Variants in KNL1 observed in about 807,000 individuals in gnomAD.
The protein encoded by KNL1 is outer kinetochore KNL1 complex subunit KNL1.
KNL1 carries 66 observed loss-of-function variants against 201.3 expected under a neutral mutation model. The ratio of observed to expected loss-of-function variants is 0.33; its 90% CI spans 0.27 to 0.40. The LOEUF is 0.40. KNL1 is among the 10% of genes least tolerant of loss of function. The pLI, the probability that KNL1 is intolerant of heterozygous loss-of-function variation, is 1.00. For missense variants in KNL1, 2,815 were observed against 2,690.5 expected, an observed-to-expected ratio of 1.05 and a Z score of -1.02; for synonymous variants, 895 against 899.2, an observed-to-expected ratio of 1.00 and a Z score of 0.08.
Position 40,662,071 on chromosome 15 carries a change from C to T in KNL1, c.6837-3C>T, listed in dbSNP as rs371079557. 207 of 1,541,314 alleles carry T rather than the reference C, an allele frequency of 1.3e-4. No homozygotes were observed. The African/African-American group carries it at 2.4e-3, about 18-fold the overall frequency. On this transcript the variant is annotated splice_polypyrimidine_tract_variant and splice_region_variant and intron_variant, in intron 25 of 25. Transcript: ENST00000399668. ...AAAATTGATTAACCTTTGTTCTTTC[C>T]AGCCAAGATGATATTGCTACCATTC...
At chr15:40,637,967 C>T (rs1893106926) in intron 13 of KNL1, among the ~76,000 whole-genome samples, 1 of 151,910 alleles carries the variant, frequency 6.6e-6, no homozygotes, top group Non-Finnish European at 1.5e-5. Context: ...TGCCTGAGCT[C>T]AGGAGTTCAA....
chr15:40,616,987 C>T (rs1246071922), intron 8 of KNL1, among the ~76,000 whole-genome samples: 1 of 152,168 alleles, frequency 6.6e-6, no homozygotes, highest in Non-Finnish European at 1.5e-5. Flanking sequence ...CTCACTCTGT[C>T]ACCCAGGCTG....
At position 40,596,960 on chromosome 15, in the gene KNL1, A is replaced by G. The variant is rs1191842272; in HGVS notation, c.-18+2568A>G. ...GGTTGCAGTGAGCCAAGATTGCGCC[A>G]TTGTACTCCAGCCTGGGCAACAAGA... On this transcript the variant is annotated intron_variant, in intron 1 of 25. Transcript: ENST00000399668. Among the ~76,000 whole-genome samples, 12 of 141,138 alleles carry G rather than the reference A, an allele frequency of 8.5e-5. No individual in the cohort carries two copies. The South Asian group carries it at 2.8e-3, about 33-fold the overall frequency. 92.6% of individuals were successfully genotyped at this position (141,138 alleles called of 152,430 possible).
chr15:40,605,200 A>G, intron 3 of KNL1, 51 bp downstream of exon 3: 1 of 1,000,946 alleles, frequency 1.0e-6, no homozygotes, highest in South Asian at 1.3e-5. Flanking sequence ...TTTAATGATA[A>G]CCATATATCA....
At chr15:40,599,843 A>G (rs1891734928) in intron 1 of KNL1, among the ~76,000 whole-genome samples, 2 of 135,858 alleles carry the variant, frequency 1.5e-5, no homozygotes, top group African/African-American at 5.6e-5. Context: ...TATGTTGCCC[A>G]GGCTGGAGTA....
intron 13 of KNL1, 93 bp downstream of exon 13, chr15:40,629,464 G>T (rs564792813): frequency 3.8e-5 from 12 of 316,198 alleles, no homozygotes; most frequent in East Asian, 1.4e-4. Context: ...TTCCTATAGA[G>T]AGTTTTCTTT....
chr15:40,595,809 T>A (rs1415749607), intron 1 of KNL1, among the ~76,000 whole-genome samples: 1 of 152,222 alleles, frequency 6.6e-6, no homozygotes, highest in East Asian at 1.9e-4. Flanking sequence ...TGTAAATAAC[T>A]ACTATATTGG....
Position 40,624,211 on chromosome 15 carries a change from A to G in KNL1, c.3947A>G (p.Glu1316Gly), listed in dbSNP as rs944886355. ...GTTATTTCCTGTACTGATAATTTGGAGGGTAGTGCCATGCTCTTATGTGAT... is the reference window on the plus strand; with the variant it reads ...GTTATTTCCTGTACTGATAATTTGGGGGGTAGTGCCATGCTCTTATGTGAT... Reference protein sequence around the residue: ...PNVISCTDNLEGSAMLLCDKD... With the variant: ...PNVISCTDNLGGSAMLLCDKD... Residue 1316 changes from glutamate to glycine, a missense_variant, in exon 10 of 26, where the codon GAG becomes GGG. By Grantham distance (98) the Glu-to-Gly change is moderately conservative (BLOSUM62 -2). Coordinates refer to ENST00000399668, the MANE Select transcript of KNL1 (RefSeq NM_144508.5). 1.2e-6 allele frequency: 2 copies of G among 1,613,766 alleles called. No individual in the cohort carries two copies. The highest frequency in any genetic ancestry group is 1.7e-6 in the Non-Finnish European group (2 of 1,179,924).
At chr15:40,605,260 T>G in intron 3 of KNL1, 111 bp downstream of exon 3, 1 of 628,782 alleles carries the variant, frequency 1.6e-6, no homozygotes, top group Non-Finnish European at 2.9e-6. Flanking sequence ...GGCTTCCTGT[T>G]GCTCTCTAGA....
At chr15:40,604,986 C>T (rs1410356676) in intron 2 of KNL1, 124 bp from the exon 3 acceptor site, 3 of 601,892 alleles carry the variant, frequency 5.0e-6, no homozygotes, top group Non-Finnish European at 9.2e-6. Context: ...ATAAATTTTG[C>T]TTGCCAGAGT....
chr15:40,638,736 G>A (rs1426489553), intron 13 of KNL1, among the ~76,000 whole-genome samples: 6 of 151,996 alleles, frequency 3.9e-5, no homozygotes, highest in African/African-American at 1.2e-4. Flanking sequence ...CAGGTGATCC[G>A]CCTGCCTTGG....
At chr15:40,620,550 A>G (rs1238842668) in intron 9 of KNL1, 90 bp from the exon 10 acceptor site, 6 of 719,252 alleles carry the variant, frequency 8.3e-6, no homozygotes, top group Non-Finnish European at 1.3e-5. Context: ...TGAAACCATC[A>G]CTGAGGATTT....
intron 7 of KNL1, among the ~76,000 whole-genome samples, chr15:40,613,054 T>A (rs1892223252): frequency 1.3e-5 from 2 of 152,146 alleles, no homozygotes; most frequent in Admixed American, 1.3e-4. Flanking sequence ...GTAAACGTTG[T>A]GAAAGGTCCT....
intron 22 of KNL1, among the ~76,000 whole-genome samples, chr15:40,655,806 C>G (rs1339889361): frequency 6.6e-6 from 1 of 150,994 alleles, no homozygotes; most frequent in Non-Finnish European, 1.5e-5. Flanking sequence ...GTCCCAGCTA[C>G]TTGGGAGGCT....
At chr15:40,618,852 A>C in intron 8 of KNL1, 107 bp from the exon 9 acceptor site, 1 of 663,772 alleles carries the variant, frequency 1.5e-6, no homozygotes, top group South Asian at 2.0e-5. Context: ...GGGCTTAGTT[A>C]CTGGTAAATT....
At chr15:40,629,438 T>G in intron 13 of KNL1, 67 bp downstream of exon 13, 1 of 955,926 alleles carries the variant, frequency 1.0e-6, no homozygotes, top group Non-Finnish European at 1.5e-6. Context: ...ACAAAAAGAA[T>G]GGAAGAGAGC....
At chr15:40,643,199 A>G (rs1893282922) in intron 14 of KNL1, 1 of 151,822 alleles carries the variant, frequency 6.6e-6, no homozygotes, top group Non-Finnish European at 1.5e-5. Flanking sequence ...TTTTATTTTT[A>G]TTTTTGAGAC....
chr15:40,651,637 T>C (rs943594682), intron 20 of KNL1, 65 bp downstream of exon 20: 3 of 1,097,698 alleles, frequency 2.7e-6, no homozygotes, highest in African/African-American at 3.2e-5. Context: ...TTAAACCGAT[T>C]GGAGCAATTG....
chr15:40,639,721 C>T (rs772027389), intron 13 of KNL1, among the ~76,000 whole-genome samples: 1 of 151,826 alleles, frequency 6.6e-6, no homozygotes, highest in Non-Finnish European at 1.5e-5. Context: ...CTGCAGTGAG[C>T]CGTGATCACA....
Sources: allele counts gnomAD v4.1 joint callset (sites outside exome capture counted in the v4.1 genomes callset), GRCh38; gene constraint gnomAD v4.1.1; transcripts MANE v1.5; gene names NCBI Gene and HGNC (gene_info 2026-07-23, HGNC 2026-07-21).